The following TDRD5 variants were observed in gnomAD, a reference collection of about 807,000 sequenced individuals.
The protein encoded by TDRD5 is tudor domain containing 5, also known as tudor domain-containing protein 5.
A neutral mutation model predicts 120.6 loss-of-function variants in TDRD5; 41 were observed. The observed-to-expected ratio is 0.34, with a 90% CI of 0.26 to 0.44. The LOEUF (loss-of-function observed/expected upper bound fraction) is 0.44. Ranked by LOEUF, TDRD5 falls within the 20% of genes least tolerant of loss-of-function variation. The probability of loss-of-function intolerance (pLI) is 1.00; values close to 1 mark genes in which losing one functional copy is unlikely to be tolerated. For synonymous variants in TDRD5, 430 were observed against 433.7 expected (o/e 0.99, Z 0.11); for missense variants, 1,006 against 1,221.2 (o/e 0.82, Z 2.63).
chr1:179,669,368 G>T lies in TDRD5; in HGVS notation c.2824G>T (p.Ala942Ser). 6.2e-7 allele frequency: 1 copy of T among 1,614,186 alleles called. No homozygotes were observed. Among genetic ancestry groups the T allele is most frequent in the Non-Finnish European group, 8.5e-7 (1 of 1,180,028 alleles). ...LSTAAPCSTTAVDDSAEKPSG... is the reference protein window; with the variant it reads ...LSTAAPCSTTSVDDSAEKPSG... ...CACAGCAGCACCCTGTTCAACAACT[G>T]CAGTGGATGATTCCGCAGAAAAGCC... The change falls in exon 17 of 18, where the codon GCA becomes TCA. Residue 942 changes from alanine to serine, a missense_variant. Coordinates refer to ENST00000444136, the MANE Select transcript of TDRD5 (RefSeq NM_001199085.3).
In TDRD5 at chr1:179,690,790, G is replaced by C. The variant is rs770004280; in HGVS notation, c.2955G>C (p.Gln985His). The C allele has an allele frequency of 1.2e-6, 2 of 1,614,122 alleles. No individual in the cohort carries two copies. The highest frequency in any genetic ancestry group is 1.7e-6 in the Non-Finnish European group (2 of 1,180,046). Residue 985 changes from glutamine (Q) to histidine (H), a missense_variant, in exon 18 of 18, where the codon CAG (glutamine) becomes CAC (histidine). Around this residue, in one of 3 missense-constraint regions of TDRD5, gnomAD observed 403 missense variants for 448.1 expected, o/e 0.90. Transcript: ENST00000444136. ...YKDKRQESVD[Q>H]LSLILSYECQ... is the part of the protein sequence containing the mutation. ...ACAAGCGTCAAGAATCTGTAGACCA[G>C]CTGTCTTTGATTTTGTCTTATGAGT...
chr1:179,594,157 A>G (rs1358392029), intron 3 of TDRD5, among the ~76,000 whole-genome samples: 2 of 152,244 alleles, frequency 1.3e-5, no homozygotes, highest in Non-Finnish European at 2.9e-5. Context: ...TTTAAAAACT[A>G]CAAGATCAGC....
intron 17 of TDRD5, among the ~76,000 whole-genome samples, chr1:179,671,105 A>G (rs1052969712): frequency 1.3e-5 from 2 of 152,196 alleles, no homozygotes; most frequent in African/African-American, 2.4e-5. Context: ...TGTTGAAAAG[A>G]CTATCTCCAG....
At chr1:179,656,293 CTTGAGTT>C (rs1679001685) in intron 14 of TDRD5, among the ~76,000 whole-genome samples, 1 of 152,046 alleles carries the variant, frequency 6.6e-6, no homozygotes, top group Non-Finnish European at 1.5e-5. Context: ...TTTTCTTACT[CTTGAGTT>C]TTGAGAGTTC....
chr1:179,681,666 C>T (rs1287197595), intron 17 of TDRD5, among the ~76,000 whole-genome samples: 1 of 151,832 alleles, frequency 6.6e-6, no homozygotes, highest in African/African-American at 2.4e-5. Flanking sequence ...AGCGTGAAAA[C>T]AGCCACAGAC....
chr1:179,681,463 G>C (rs1293233970), intron 17 of TDRD5, among the ~76,000 whole-genome samples: 5 of 151,900 alleles, frequency 3.3e-5, no homozygotes, highest in Non-Finnish European at 7.4e-5. Flanking sequence ...TTGCTTTATA[G>C]TCAATTATCT....
intron 7 of TDRD5, among the ~76,000 whole-genome samples, chr1:179,631,933 T>C (rs1289708416): frequency 6.7e-6 from 1 of 148,402 alleles, no homozygotes; most frequent in East Asian, 2.0e-4. Context: ...TTGAGATAGA[T>C]TCTTACGCTG....
At chr1:179,604,453 C>T (rs1459764526) in intron 4 of TDRD5, among the ~76,000 whole-genome samples, 1 of 151,770 alleles carries the variant, frequency 6.6e-6, no homozygotes, top group Non-Finnish European at 1.5e-5. Context: ...TCTCTAGTTC[C>T]TTGAGGTATG....
Position 179,669,353 on chromosome 1 carries a change from C to T in TDRD5, c.2809C>T (p.Pro937Ser). The change falls in exon 17 of 18, where the codon CCC becomes TCC. Residue 937 changes from proline to serine, a missense_variant. Transcript: ENST00000444136. The part of the protein sequence containing the change: ...PKQIQLSTAA[P>S]CSTTAVDDSA... ...GCAAATTCAGCTTTCCACAGCAGCA[C>T]CCTGTTCAACAACTGCAGTGGATGA... 1 of 1,614,174 alleles carries T rather than the reference C, an allele frequency of 6.2e-7. No individual in the cohort carries two copies. Among genetic ancestry groups the T allele is most frequent in the South Asian group, 1.1e-5 (1 of 91,078 alleles).
intron 1 of TDRD5, 67 bp from the exon 2 acceptor site, chr1:179,592,535 T>G: frequency 4.8e-6 from 6 of 1,258,730 alleles, no homozygotes; most frequent in Middle Eastern, 1.9e-4. Flanking sequence ...TATCCCACTA[T>G]TGGTTTTTTT....
chr1:179,644,363 A>G (rs1678223619), intron 11 of TDRD5, among the ~76,000 whole-genome samples: 1 of 152,136 alleles, frequency 6.6e-6, no homozygotes, highest in African/African-American at 2.4e-5. Context: ...GATGTAATAT[A>G]TATTTATCCC....
chr1:179,668,019 GT>G (rs1177123430), intron 16 of TDRD5, among the ~76,000 whole-genome samples: 1 of 152,186 alleles, frequency 6.6e-6, no homozygotes, highest in African/African-American at 2.4e-5. Context: ...AGTTCAGCTT[GT>G]TACAGCTTGG....
At chr1:179,599,129 G>C (rs1590783) in intron 4 of TDRD5, among the ~76,000 whole-genome samples, 111,465 of 151,840 alleles carry the variant, frequency 0.73, 41,074 homozygotes, top group East Asian at 0.88. Flanking sequence ...TAGGACTTTT[G>C]TTTTTTAAAA....
At chr1:179,690,495 A>G (rs1681084323) in intron 17 of TDRD5, among the ~76,000 whole-genome samples, 1 of 152,194 alleles carries the variant, frequency 6.6e-6, no homozygotes, top group Non-Finnish European at 1.5e-5. Flanking sequence ...GATTTATTTT[A>G]TCTCAATTCA....
In TDRD5 at chr1:179,634,592, G is replaced by T. The variant is rs901858085; in HGVS notation, c.1262G>T (p.Cys421Phe). The T allele has an allele frequency of 8.7e-6, 14 of 1,613,704 alleles. No individual in the cohort carries two copies. The highest frequency in any genetic ancestry group is 3.3e-5 in the Admixed American group (2 of 59,916). The change falls in exon 8 of 18, where the codon TGC (cysteine) becomes TTC (phenylalanine). Residue 421 changes from cysteine (C) to phenylalanine (F), a missense_variant. Coordinates refer to ENST00000444136, the MANE Select transcript of TDRD5 (RefSeq NM_001199085.3). ...CAAAAAGAGCCACAACAGAAGATTT[G>T]CAAGAAGCCTAATCTGGTGGTAAAG... ...KKQKEPQQKI[C>F]KKPNLVVKPL... is the part of the protein sequence containing the mutation.
intron 16 of TDRD5, among the ~76,000 whole-genome samples, chr1:179,668,868 G>C (rs1476573087): frequency 1.3e-5 from 2 of 150,322 alleles, no homozygotes; most frequent in South Asian, 4.2e-4. Flanking sequence ...TCAGCTTCCT[G>C]AGTAGCTGGG....
intron 17 of TDRD5, among the ~76,000 whole-genome samples, chr1:179,684,251 A>G (rs1572445860): frequency 6.6e-6 from 1 of 152,042 alleles, no homozygotes; most frequent in East Asian, 1.9e-4. Flanking sequence ...CCTGTGTCCA[A>G]ATGTTCTCAT....
intron 14 of TDRD5, among the ~76,000 whole-genome samples, chr1:179,661,801 A>C (rs1679326285): frequency 6.6e-6 from 1 of 152,084 alleles, no homozygotes; most frequent in Admixed American, 6.5e-5. Context: ...GTTGCTTCTC[A>C]ATTTTTTCAC....
chr1:179,613,662 A>G (rs1428604454), intron 4 of TDRD5, among the ~76,000 whole-genome samples: 2 of 152,158 alleles, frequency 1.3e-5, no homozygotes, highest in Admixed American at 1.3e-4. Context: ...ACAATGCAAA[A>G]GGGGCAAGGG....
Sources: gnomAD v4.1 joint callset for allele counts (sites outside exome capture counted in the v4.1 genomes callset) on GRCh38, gnomAD v4.1.1 for gene constraint, gnomAD v4.1.1 regional missense constraint, MANE v1.5 for transcripts, NCBI Gene and HGNC (gene_info 2026-07-23, HGNC 2026-07-21) for gene names.